The following CHD7 variants were observed in gnomAD, a reference collection of about 807,000 sequenced individuals.
CHD7 encodes the protein ATP-dependent chromatin remodeler CHD7.
A neutral mutation model predicts 307.3 loss-of-function variants in CHD7; 24 were observed. The observed-to-expected ratio is 0.08, with a 90% CI of 0.06 to 0.11. The LOEUF is 0.11. Among genes scored for constraint, CHD7 ranks in the 10% least tolerant of loss-of-function variants. The pLI is 1.00. For missense variants in CHD7, 3,106 were observed against 3,727.1 expected (o/e 0.83, Z 4.34); for synonymous variants, 1,363 against 1,349.9 (o/e 1.01, Z -0.21).
chr8:60,789,598 A>G (rs779979166), intron 3 of CHD7, among the ~76,000 whole-genome samples: 1 of 152,184 alleles, frequency 6.6e-6, no homozygotes, highest in Non-Finnish European at 1.5e-5. Context: ...CTTTCTGTTC[A>G]GGACTTAGAT....
chr8:60,849,119 C>T lies in CHD7; in HGVS notation c.5369C>T (p.Ala1790Val). 1 of 1,613,392 alleles carries T rather than the reference C, an allele frequency of 6.2e-7. No individual in the cohort carries two copies. The highest frequency in any genetic ancestry group is 8.5e-7 in the Non-Finnish European group (1 of 1,179,416). ...EVPADWWDKE[A>V]DKSLLIGVFK... The stretch of plus-strand genomic sequence containing the variant: ...CCTGCAGATTGGTGGGATAAGGAAG[C>T]AGACAAATCCCTCTTAATTGGAGTG... Residue 1790 changes from alanine to valine, a missense_variant, in exon 25 of 38, where the codon GCA becomes GTA. Around this residue, in one of 10 missense-constraint regions of CHD7, gnomAD observed 1,030 missense variants for 1,165.4 expected, o/e 0.88. Coordinates refer to ENST00000423902, the MANE Select transcript of CHD7 (RefSeq NM_017780.4).
At chr8:60,820,164 A>C in intron 9 of CHD7, 74 bp downstream of exon 9, 1 of 911,804 alleles carries the variant, frequency 1.1e-6, no homozygotes, top group Non-Finnish European at 1.7e-6. Flanking sequence ...AGATGGTAGA[A>C]TCCTAGACCT....
intron 25 of CHD7, among the ~76,000 whole-genome samples, chr8:60,849,438 C>A (rs756392985): frequency 6.6e-6 from 1 of 152,182 alleles, no homozygotes; most frequent in Non-Finnish European, 1.5e-5. Flanking sequence ...CTATAGCTCT[C>A]CCTAAACTTT....
At chr8:60,813,552 T>C (rs1812909352) in intron 7 of CHD7, among the ~76,000 whole-genome samples, 1 of 152,180 alleles carries the variant, frequency 6.6e-6, no homozygotes, top group Non-Finnish European at 1.5e-5. Flanking sequence ...CAAATATGTG[T>C]TAACAAAATA....
intron 23 of CHD7, among the ~76,000 whole-genome samples, chr8:60,846,306 T>C (rs1805210553): frequency 6.6e-6 from 1 of 152,224 alleles, no homozygotes; most frequent in African/African-American, 2.4e-5. Context: ...CCTCAGTTGC[T>C]GGGTCCATTT....
chr8:60,798,402 G>T (rs1041244079), intron 4 of CHD7, among the ~76,000 whole-genome samples: 1 of 152,330 alleles, frequency 6.6e-6, no homozygotes, highest in Non-Finnish European at 1.5e-5. Flanking sequence ...GCTGTGTGTG[G>T]CTTGGAGCTA....
intron 2 of CHD7, among the ~76,000 whole-genome samples, chr8:60,772,807 T>G (rs1051384068): frequency 1.3e-5 from 2 of 152,242 alleles, no homozygotes; most frequent in Admixed American, 1.3e-4. Context: ...TTGTCATTTT[T>G]ACTTCTAGAA....
At chr8:60,801,467 C>A in intron 5 of CHD7, 61 bp from the exon 6 acceptor site, 2 of 1,250,916 alleles carry the variant, frequency 1.6e-6, no homozygotes, top group South Asian at 1.3e-5. Context: ...TGATTTCTTG[C>A]TCTTATAGCT....
At chr8:60,851,949 G>C (rs1805472817) in intron 28 of CHD7, 70 bp from the exon 29 acceptor site, 1 of 1,070,268 alleles carries the variant, frequency 9.3e-7, no homozygotes, top group Non-Finnish European at 1.4e-6. Context: ...GAGTCATCCT[G>C]TTTTGTTGGA....
At chr8:60,819,925 T>C in intron 8 of CHD7, 82 bp from the exon 9 acceptor site, 2 of 947,554 alleles carry the variant, frequency 2.1e-6, no homozygotes, top group East Asian at 2.6e-5. Flanking sequence ...ACCCAAAATA[T>C]TATTGCTTGG....
At position 60,801,604 on chromosome 8, in the gene CHD7, T is replaced by C. The variant is rs1208883480; in HGVS notation, c.2442+11T>C. 4 of 1,554,566 alleles carry C rather than the reference T, an allele frequency of 2.6e-6. No homozygotes were observed. Among genetic ancestry groups the C allele is most frequent in the East Asian group, 2.3e-5 (1 of 42,554 alleles). On this transcript the variant is annotated intron_variant, in intron 6 of 37. Transcript: ENST00000423902. Reference sequence around the variant, plus strand: ...TCAGTAAAAAAGCAGGTGAGTGCCATTGGAGCCATTAAAATCTGTGAGGTG... The same window carrying C: ...TCAGTAAAAAAGCAGGTGAGTGCCACTGGAGCCATTAAAATCTGTGAGGTG...
chr8:60,776,678 T>C (rs1214836402), intron 2 of CHD7, among the ~76,000 whole-genome samples: 1 of 152,192 alleles, frequency 6.6e-6, no homozygotes, highest in Non-Finnish European at 1.5e-5. Context: ...AGATACCAAA[T>C]GCATCTTCTT....
At chr8:60,701,630 T>A (rs1401093359) in intron 1 of CHD7, among the ~76,000 whole-genome samples, 1 of 152,246 alleles carries the variant, frequency 6.6e-6, no homozygotes. Context: ...TATTCTTTTC[T>A]TGGACACCTT....
intron 2 of CHD7, among the ~76,000 whole-genome samples, chr8:60,774,460 G>A (rs1021741635): frequency 6.6e-5 from 10 of 152,204 alleles, no homozygotes; most frequent in African/African-American, 2.4e-4. Context: ...TGGTACTTTG[G>A]TGCTGTCTCT....
At chr8:60,848,298 A>G (rs1805300444) in intron 23 of CHD7, among the ~76,000 whole-genome samples, 1 of 152,248 alleles carries the variant, frequency 6.6e-6, no homozygotes, top group African/African-American at 2.4e-5. Context: ...CTCTCTGTGC[A>G]GTGTGAGCGG....
chr8:60,829,681 T>G (rs1804414150), intron 14 of CHD7, among the ~76,000 whole-genome samples: 1 of 152,232 alleles, frequency 6.6e-6, no homozygotes, highest in Non-Finnish European at 1.5e-5. Context: ...ATAATTTGTG[T>G]GCTGTATTTG....
At chr8:60,782,457 C>A (rs1811296894) in intron 3 of CHD7, among the ~76,000 whole-genome samples, 1 of 152,108 alleles carries the variant, frequency 6.6e-6, no homozygotes, top group Non-Finnish European at 1.5e-5. Context: ...CTTGGACTTG[C>A]AACTTCCTGC....
In CHD7 at chr8:60,782,308, C is replaced by T. The variant is rs919516791; in HGVS notation, c.2096+878C>T. On this transcript the variant is annotated intron_variant, in intron 3 of 37. Coordinates refer to ENST00000423902, the MANE Select transcript of CHD7 (RefSeq NM_017780.4). ...CCTCATGTGCACGTGTAAACACACA[C>T]CTGTGCATGTACACAGTCAGTTCTG... Among the ~76,000 whole-genome samples, 6 of 152,190 alleles carry T rather than the reference C, an allele frequency of 3.9e-5. No individual in the cohort carries two copies. The East Asian group carries it at 7.7e-4, about 20-fold the overall frequency.
chr8:60,849,001 C>G (rs1376161904), intron 24 of CHD7, 50 bp from the exon 25 acceptor site: 3 of 1,393,820 alleles, frequency 2.2e-6, no homozygotes, highest in Admixed American at 3.4e-5. Flanking sequence ...ACATTCATTA[C>G]TTGGAATTCT....
Sources: allele counts gnomAD v4.1 joint callset (sites outside exome capture counted in the v4.1 genomes callset), GRCh38; gene constraint gnomAD v4.1.1; regional missense constraint gnomAD v4.1.1; transcripts MANE v1.5; gene names NCBI Gene and HGNC (gene_info 2026-07-23, HGNC 2026-07-21).